Variants in PLXND1 observed in about 807,000 individuals in gnomAD.
PLXND1 encodes the protein plexin-D1.
PLXND1 carries 54 observed loss-of-function variants against 197.7 expected under a neutral mutation model. The observed-to-expected ratio is 0.27, with a 90% CI of 0.22 to 0.34. PLXND1 has a LOEUF of 0.34. PLXND1 is among the 10% of genes least tolerant of loss of function. The pLI, the probability that PLXND1 is intolerant of heterozygous loss-of-function variation, is 1.00. For synonymous variants in PLXND1, 1,180 were observed against 1,161.2 expected (o/e 1.02, Z -0.33); for missense variants, 2,127 against 2,699.2 (o/e 0.79, Z 4.70).
At chr3:129,594,099 A>G (rs557430004) in intron 1 of PLXND1, among the ~76,000 whole-genome samples, 1 of 152,346 alleles carries the variant, frequency 6.6e-6, no homozygotes, top group East Asian at 1.9e-4. Flanking sequence ...AGGATGCGGC[A>G]TTAACAGTGG....
At chr3:129,562,966 A>T (rs755029329) in intron 26 of PLXND1, 23 bp from the exon 27 acceptor site, 15 of 1,602,030 alleles carry the variant, frequency 9.4e-6, no homozygotes, top group Non-Finnish European at 1.1e-5. Flanking sequence ...AGTGGGAGAG[A>T]AAGGTCAGTG....
chr3:129,566,294 AG>A (rs1260659662), intron 23 of PLXND1: 5 of 600,260 alleles, frequency 8.3e-6, no homozygotes, highest in Non-Finnish European at 1.5e-5. Flanking sequence ...TGGGGTGTAC[AG>A]GGGGGCCCAA....
intron 34 of PLXND1, 54 bp from the exon 35 acceptor site, chr3:129,556,745 A>G: frequency 1.5e-6 from 2 of 1,328,854 alleles, no homozygotes; most frequent in Non-Finnish European, 1.1e-6. Context: ...AGCTGAGCCT[A>G]GTCCCAGCAA....
In PLXND1 at chr3:129,562,815, C is replaced by T. The variant is rs531656214; in HGVS notation, c.4797G>A (p.Gln1599=). 70 of 1,605,588 alleles carry T rather than the reference C, an allele frequency of 4.4e-5. 1 individual carries two copies. Among genetic ancestry groups the T allele is most frequent in the East Asian group, 3.8e-4 (17 of 44,598 alleles). Residue 1599 remains glutamine (Q), a synonymous_variant, in exon 27 of 36, where the codon CAG becomes CAA. Coordinates refer to ENST00000324093, the MANE Select transcript of PLXND1 (RefSeq NM_015103.3). ...EAFCKNVPYS[Q]WPRAEDVDLE... is the part of the protein sequence containing the mutation. ...GGTCGACGTCCTCTGCACGCGGCCA[C>T]TGGGAGTAGGGCACATTCTTGCAGA...
intron 1 of PLXND1, among the ~76,000 whole-genome samples, chr3:129,603,973 A>C (rs62267581): frequency 1.3e-5 from 2 of 152,040 alleles, no homozygotes. Flanking sequence ...CTGGGGCCTC[A>C]TTCCTCAGGG....
At chr3:129,595,126 T>C (rs1389676001) in intron 1 of PLXND1, among the ~76,000 whole-genome samples, 1 of 150,928 alleles carries the variant, frequency 6.6e-6, no homozygotes. Flanking sequence ...GGCTCAGTGG[T>C]GGCCTGTGGA....
chr3:129,566,480 G>A lies in PLXND1; in HGVS notation c.4191+47C>T, dbSNP rs545163965. Reference sequence around the variant, plus strand: ...TGGAAAGGGGACCCAGGGGGGAGCAGGGTTGCCCTGAAGCAGCCCACTGTG... The same window carrying A: ...TGGAAAGGGGACCCAGGGGGGAGCAAGGTTGCCCTGAAGCAGCCCACTGTG... On this transcript the variant is annotated intron_variant, in intron 23 of 35. Coordinates refer to ENST00000324093, the MANE Select transcript of PLXND1 (RefSeq NM_015103.3). The A allele has an allele frequency of 9.6e-5, 109 of 1,133,502 alleles. 3 individuals are homozygous for A. The South Asian group carries it at 1.3e-3, about 14-fold the overall frequency. 70.2% of individuals were successfully genotyped at this position (1,133,502 alleles called of 1,614,324 possible). A position where few individuals can be genotyped will look rare whatever the true frequency, so the allele number is the denominator to read the frequency against.
intron 19 of PLXND1, 47 bp downstream of exon 19, chr3:129,570,739 C>T (rs775160855): frequency 1.3e-6 from 2 of 1,596,934 alleles, no homozygotes; most frequent in East Asian, 4.5e-5. Context: ...GCAGATGGGC[C>T]AGGGGTGGGG....
rs1417364628 is a variant in PLXND1, at chr3:129,606,389, C to A, written c.251G>T (p.Gly84Val). ...CTCGGCCTCCAGGCTCAGGTTGGCG[C>A]CCGACAGCTGATAGAGGCGGTTGAC... ...AAVNRLYQLSGANLSLEAEAA... is the reference protein window; with the variant it reads ...AAVNRLYQLSVANLSLEAEAA... The change falls in exon 1 of 36, where the codon GGC becomes GTC. Residue 84 changes from glycine (G) to valine (V), a missense_variant. Gly to Val is a moderately radical substitution (Grantham distance 109, BLOSUM62 -3). Coordinates refer to ENST00000324093, the MANE Select transcript of PLXND1 (RefSeq NM_015103.3). The A allele has an allele frequency of 6.6e-7, 1 of 1,513,356 alleles. No individual in the cohort carries two copies. The highest frequency in any genetic ancestry group is 8.8e-7 in the Non-Finnish European group (1 of 1,139,220). The allele number at this position is 1,513,356 out of a possible 1,614,324, so 93.7% of individuals were successfully genotyped here.
At chr3:129,581,039 T>G (rs4260435) in intron 8 of PLXND1, among the ~76,000 whole-genome samples, 31,232 of 152,156 alleles carry the variant, frequency 0.21, 3,419 homozygotes, top group East Asian at 0.38. Context: ...TCCTCCACTT[T>G]GCACATCTTT....
Position 129,589,477 on chromosome 3 carries a change from C to T in PLXND1, c.1362G>A (p.Leu454=). 1 of 1,609,048 alleles carries T rather than the reference C, an allele frequency of 6.2e-7. No individual in the cohort carries two copies. Among genetic ancestry groups the T allele is most frequent in the Non-Finnish European group, 8.5e-7 (1 of 1,178,334 alleles). The change falls in exon 2 of 36, where the codon CTG becomes CTA. Residue 454 remains leucine, a synonymous_variant. Coordinates refer to ENST00000324093, the MANE Select transcript of PLXND1 (RefSeq NM_015103.3). ...DCGAAHLQHP[L]SILQPLKATP... Reference sequence around the variant, plus strand: ...TGGCCTTCAGGGGCTGCAGGATGGACAGCGGGTGCTGCAGGTGAGCAGCTC... The same window carrying T: ...TGGCCTTCAGGGGCTGCAGGATGGATAGCGGGTGCTGCAGGTGAGCAGCTC...
rs549655531 is a variant in PLXND1, at chr3:129,574,348, G to A, written c.2673C>T (p.Pro891=). Residue 891 remains proline, a synonymous_variant, in exon 12 of 36, where the codon CCC becomes CCT. Coordinates refer to ENST00000324093, the MANE Select transcript of PLXND1 (RefSeq NM_015103.3). ...LQPMAGTCPA[P]EIHAIEPLSG... Reference sequence around the variant, plus strand: ...TGGGCATGCTTACCGCGTGGATCTCGGGGGCGGGGCAGGTGCCAGCCATGG... The same window carrying A: ...TGGGCATGCTTACCGCGTGGATCTCAGGGGCGGGGCAGGTGCCAGCCATGG... 842 of 1,604,296 alleles carry A rather than the reference G, an allele frequency of 5.2e-4. 12 individuals carry two copies. In the South Asian group the frequency reaches 8.9e-3, roughly 17 times the overall value.
intron 27 of PLXND1, chr3:129,562,431 G>A: frequency 4.1e-6 from 1 of 243,424 alleles, no homozygotes; most frequent in Admixed American, 4.9e-5. Context: ...GATCACTTGA[G>A]CCCAGGAGGT....
rs2084976252 is a variant in PLXND1, at chr3:129,556,546, C to G, written c.5661+71G>C. 12 of 1,350,236 alleles carry G rather than the reference C, an allele frequency of 8.9e-6. No individual in the cohort carries two copies. The South Asian group carries it at 1.2e-4, about 13-fold the overall frequency. 83.6% of individuals were successfully genotyped at this position (1,350,236 alleles called of 1,614,324 possible). ...ACATCCGTCCATTAGGGGCAAGCACCCTGAGATGTGTGTCCTTGAGTAGGA... is the reference window on the plus strand; with the variant it reads ...ACATCCGTCCATTAGGGGCAAGCACGCTGAGATGTGTGTCCTTGAGTAGGA... On this transcript the variant is annotated intron_variant, in intron 35 of 35. Transcript: ENST00000324093.
chr3:129,589,977 G>A (rs762663169), intron 1 of PLXND1, among the ~76,000 whole-genome samples: 2 of 152,054 alleles, frequency 1.3e-5, no homozygotes, highest in Non-Finnish European at 1.5e-5. Context: ...CTCTTGCCTC[G>A]GCTGTTTTCC....
chr3:129,586,989 C>T (rs7618549), intron 2 of PLXND1, among the ~76,000 whole-genome samples: 1,664 of 152,264 alleles, frequency 0.011, 35 homozygotes, highest in African/African-American at 0.037. Context: ...GTTTACGAAA[C>T]GTGCTCTGGG....
At position 129,556,066 on chromosome 3, in the gene PLXND1, C is replaced by A; in HGVS notation, c.*246G>T. 2.0e-6 allele frequency: 1 copy of A among 495,458 alleles called. No individual in the cohort carries two copies. Among genetic ancestry groups the A allele is most frequent in the South Asian group, 2.2e-5 (1 of 46,380 alleles). The allele number at this position is 495,458 out of a possible 1,614,324, so 30.7% of individuals were successfully genotyped here. A position where few individuals can be genotyped will look rare whatever the true frequency, so the allele number is the denominator to read the frequency against. On this transcript the variant is annotated 3_prime_UTR_variant, in exon 36 of 36. Coordinates refer to ENST00000324093, the MANE Select transcript of PLXND1 (RefSeq NM_015103.3). ...AGGCCGTGCTGGGCAGATGGGGGAG[C>A]CTGACCAGCTCTCTGGCCTCCATCC...
intron 2 of PLXND1, among the ~76,000 whole-genome samples, chr3:129,587,686 C>T (rs146704366): frequency 1.6e-3 from 238 of 152,342 alleles, no homozygotes; most frequent in African/African-American, 5.6e-3. Flanking sequence ...TGTTCTGGCA[C>T]TCAAGGTCCT....
intron 22 of PLXND1, 53 bp downstream of exon 22, chr3:129,567,439 G>T: frequency 1.9e-6 from 2 of 1,059,922 alleles, no homozygotes; most frequent in African/African-American, 1.6e-5. Context: ...GAGAGGTCGA[G>T]TTGCCTTGAG....
Sources: allele counts gnomAD v4.1 joint callset (sites outside exome capture counted in the v4.1 genomes callset), GRCh38; gene constraint gnomAD v4.1.1; transcripts MANE v1.5; gene names NCBI Gene and HGNC (gene_info 2026-07-23, HGNC 2026-07-21).